Variants in CCDC85A observed in about 807,000 individuals in gnomAD.
The protein encoded by CCDC85A is coiled-coil domain-containing protein 85A.
CCDC85A carries 38 observed loss-of-function variants against 50.2 expected under a neutral mutation model. That is an observed-to-expected ratio of 0.76 (90% CI 0.58 to 0.99). CCDC85A has a LOEUF of 0.99. Among genes scored for constraint, CCDC85A ranks in the 50% least tolerant of loss-of-function variants. The pLI, the probability that CCDC85A is intolerant of heterozygous loss-of-function variation, is 0.00. For missense variants in CCDC85A, 820 were observed against 742.0 expected, an observed-to-expected ratio of 1.11 and a Z score of -1.22; for synonymous variants, 366 against 301.4, an observed-to-expected ratio of 1.21 and a Z score of -2.22.
intron 2 of CCDC85A, among the ~76,000 whole-genome samples, chr2:56,320,354 G>A (rs1673119132): frequency 6.6e-6 from 1 of 152,060 alleles, no homozygotes; most frequent in Non-Finnish European, 1.5e-5. Flanking sequence ...TCCAGGAGCT[G>A]GTTTTTTGAA....
intron 2 of CCDC85A, among the ~76,000 whole-genome samples, chr2:56,195,923 A>C (rs749319126): frequency 2.0e-4 from 31 of 152,162 alleles, no homozygotes; most frequent in Non-Finnish European, 3.5e-4. Flanking sequence ...ATATTGTCCT[A>C]CCTGTAAAGA....
At chr2:56,283,711 A>G (rs1012692790) in intron 2 of CCDC85A, among the ~76,000 whole-genome samples, 2 of 152,154 alleles carry the variant, frequency 1.3e-5, no homozygotes, top group African/African-American at 4.8e-5. Context: ...ATGAGTTGTG[A>G]TATCTGTAGG....
At chr2:56,186,203 C>T (rs1418912809) in intron 1 of CCDC85A, among the ~76,000 whole-genome samples, 2 of 152,188 alleles carry the variant, frequency 1.3e-5, no homozygotes, top group East Asian at 1.9e-4. Context: ...AAGGCTTACT[C>T]TCTCCTGTGG....
chr2:56,241,212 A>C (rs556038468), intron 2 of CCDC85A, among the ~76,000 whole-genome samples: 1 of 152,290 alleles, frequency 6.6e-6, no homozygotes, highest in East Asian at 1.9e-4. Flanking sequence ...ATATATATAC[A>C]TATGGCATAT....
intron 5 of CCDC85A, among the ~76,000 whole-genome samples, chr2:56,377,754 G>A (rs1676403173): frequency 6.6e-6 from 1 of 152,112 alleles, no homozygotes; most frequent in Non-Finnish European, 1.5e-5. Context: ...AGGGTGTGGT[G>A]GCAGGCACCT....
chr2:56,346,117 T>A (rs1573308484), intron 3 of CCDC85A, among the ~76,000 whole-genome samples: 1 of 152,216 alleles, frequency 6.6e-6, no homozygotes, highest in Non-Finnish European at 1.5e-5. Context: ...TAAAGCACTG[T>A]CCTGGAGGAA....
At chr2:56,259,557 C>T (rs907684543) in intron 2 of CCDC85A, among the ~76,000 whole-genome samples, 1 of 152,172 alleles carries the variant, frequency 6.6e-6, no homozygotes, top group African/African-American at 2.4e-5. Context: ...TCCTTGGATG[C>T]CCATAAAGTT....
chr2:56,226,615 A>G (rs1212523893), intron 2 of CCDC85A, among the ~76,000 whole-genome samples: 1 of 151,652 alleles, frequency 6.6e-6, no homozygotes, highest in African/African-American at 2.4e-5. Context: ...GCTTCATTAC[A>G]TTTGGTGTTG....
intron 4 of CCDC85A, among the ~76,000 whole-genome samples, chr2:56,373,981 A>G (rs1301333551): frequency 6.6e-6 from 1 of 152,230 alleles, no homozygotes; most frequent in East Asian, 1.9e-4. Context: ...TCCCTTAACC[A>G]TCTTTTAACT....
chr2:56,201,973 A>G (rs762592006), intron 2 of CCDC85A, among the ~76,000 whole-genome samples: 12 of 152,356 alleles, frequency 7.9e-5, no homozygotes, highest in South Asian at 2.1e-4. Context: ...AGGACTAGAA[A>G]GAATCAAGCT....
At chr2:56,381,758 G>T (rs951364043) in intron 5 of CCDC85A, among the ~76,000 whole-genome samples, 5 of 151,842 alleles carry the variant, frequency 3.3e-5, no homozygotes, top group Non-Finnish European at 7.4e-5. Context: ...CTTTTCCTTT[G>T]CTTTCCTTCC....
intron 2 of CCDC85A, among the ~76,000 whole-genome samples, chr2:56,266,350 G>A (rs916930613): frequency 1.3e-5 from 2 of 152,150 alleles, no homozygotes; most frequent in Non-Finnish European, 2.9e-5. Flanking sequence ...TGGGAGGATT[G>A]CTTTAGCCCA....
intron 3 of CCDC85A, 113 bp downstream of exon 3, chr2:56,343,068 G>A (rs1674455320): frequency 1.4e-6 from 1 of 695,046 alleles, no homozygotes. Flanking sequence ...AAATCATTTT[G>A]TAAATAGCCA....
At chr2:56,212,224 G>A (rs1357112661) in intron 2 of CCDC85A, among the ~76,000 whole-genome samples, 1 of 151,946 alleles carries the variant, frequency 6.6e-6, no homozygotes, top group Non-Finnish European at 1.5e-5. Context: ...GAGTTTTTGT[G>A]GCATTCCATA....
chr2:56,357,723 C>A (rs1675308941), intron 3 of CCDC85A, among the ~76,000 whole-genome samples: 1 of 138,310 alleles, frequency 7.2e-6, no homozygotes, highest in African/African-American at 2.7e-5. Context: ...ATGGACCTTT[C>A]TTTCTGTGAG....
chr2:56,337,668 A>AT (rs1235257179), intron 2 of CCDC85A, among the ~76,000 whole-genome samples: 2 of 151,488 alleles, frequency 1.3e-5, no homozygotes, highest in African/African-American at 2.4e-5. Flanking sequence ...GCCAATGTTG[A>AT]TTTTTTTCTT....
intron 2 of CCDC85A, among the ~76,000 whole-genome samples, chr2:56,308,146 C>T (rs1468635813): frequency 6.6e-6 from 1 of 152,184 alleles, no homozygotes; most frequent in African/African-American, 2.4e-5. Context: ...CTTCCTCAAA[C>T]TAGTTGTGAG....
intron 2 of CCDC85A, among the ~76,000 whole-genome samples, chr2:56,272,110 C>A (rs1670725849): frequency 6.6e-6 from 1 of 152,160 alleles, no homozygotes; most frequent in African/African-American, 2.4e-5. Context: ...TTTTTAACTC[C>A]TTTCCCTCTC....
chr2:56,223,072 T>C (rs995140043), intron 2 of CCDC85A, among the ~76,000 whole-genome samples: 1 of 152,092 alleles, frequency 6.6e-6, no homozygotes, highest in Non-Finnish European at 1.5e-5. Context: ...ATTTAAGACC[T>C]TAAAGACAGT....
Sources: allele counts gnomAD v4.1 joint callset (sites outside exome capture counted in the v4.1 genomes callset), GRCh38; gene constraint gnomAD v4.1.1; transcripts MANE v1.5; gene names NCBI Gene and HGNC (gene_info 2026-07-23, HGNC 2026-07-21).